The following RYR2 variants were observed in gnomAD, a reference collection of about 807,000 sequenced individuals.
The protein encoded by RYR2 is ryanodine receptor 2, also known as cardiac muscle ryanodine receptor-calcium release channel.
A neutral mutation model predicts 601.1 loss-of-function variants in RYR2; 227 were observed. That is an observed-to-expected ratio of 0.38 (90% CI 0.34 to 0.42). The LOEUF is 0.42. Among genes scored for constraint, RYR2 ranks in the 10% least tolerant of loss-of-function variants. The pLI, the probability that RYR2 is intolerant of heterozygous loss-of-function variation, is 1.00. For synonymous variants in RYR2, 2,223 were observed against 2,175.1 expected, an observed-to-expected ratio of 1.02 and a Z score of -0.61; for missense variants, 4,646 against 6,156.5, an observed-to-expected ratio of 0.75 and a Z score of 8.21.
chr1:237,435,685 T>C (rs938009744), intron 12 of RYR2, among the ~76,000 whole-genome samples: 1 of 152,214 alleles, frequency 6.6e-6, no homozygotes, highest in African/African-American at 2.4e-5. Flanking sequence ...TTTGATAGTT[T>C]AGTTTTATTT....
intron 63 of RYR2, among the ~76,000 whole-genome samples, chr1:237,698,607 G>A (rs1161371246): frequency 6.6e-6 from 1 of 152,122 alleles, no homozygotes; most frequent in African/African-American, 2.4e-5. Flanking sequence ...ATTTCATAAA[G>A]GATATGAGCT....
Position 237,674,095 on chromosome 1 carries a change from G to T in RYR2, c.8591-1G>T, listed in dbSNP as rs1685186674. Reference sequence around the variant, plus strand: ...GTGTTCTTGTCCTGACATACTCTTAGGAGGAGGAAACCATCCTCTGCTGGT... The same window carrying T: ...GTGTTCTTGTCCTGACATACTCTTATGAGGAGGAAACCATCCTCTGCTGGT... On this transcript the variant is annotated splice_acceptor_variant, in intron 58 of 104. Coordinates refer to ENST00000366574, the MANE Select transcript of RYR2 (RefSeq NM_001035.3). LOFTEE classifies it high-confidence loss of function. The T allele has an allele frequency of 1.2e-6, 2 of 1,610,140 alleles. No homozygotes were observed. The highest frequency in any genetic ancestry group is 1.3e-5 in the African/African-American group (1 of 74,744).
Position 237,407,614 on chromosome 1 carries a change from T to G in RYR2, c.774-9435T>G, listed in dbSNP as rs1254715912. Among the ~76,000 whole-genome samples, 154 of 147,484 alleles carry G rather than the reference T, an allele frequency of 1.0e-3. 1 individual carries two copies. Among genetic ancestry groups the G allele is most frequent in the African/African-American group, 3.6e-3 (144 of 40,332 alleles). On this transcript the variant is annotated intron_variant, in intron 10 of 104. Transcript: ENST00000366574. ...GTGATTTTTAAATTGTGGTTGTTTT[T>G]TTTTTTTTTTTTTTTAAATTGAGAC...
intron 1 of RYR2, among the ~76,000 whole-genome samples, chr1:237,083,877 G>T (rs1436308848): frequency 1.3e-5 from 2 of 152,128 alleles, no homozygotes; most frequent in Non-Finnish European, 2.9e-5. Flanking sequence ...GTCCACTTAG[G>T]CATGAAAATC....
chr1:237,356,899 C>A (rs144782140), intron 4 of RYR2, among the ~76,000 whole-genome samples: 2 of 152,064 alleles, frequency 1.3e-5, no homozygotes, highest in Non-Finnish European at 2.9e-5. Flanking sequence ...TATGAAGAAT[C>A]CTTTAAGATT....
At chr1:237,123,993 T>C (rs746568189) in intron 1 of RYR2, among the ~76,000 whole-genome samples, 17 of 152,380 alleles carry the variant, frequency 1.1e-4, no homozygotes, top group South Asian at 4.1e-4. Context: ...TATAGCTGTC[T>C]CTTTTCTTCC....
At chr1:237,463,151 G>T (rs1240873575) in intron 16 of RYR2, among the ~76,000 whole-genome samples, 1 of 151,788 alleles carries the variant, frequency 6.6e-6, no homozygotes, top group African/African-American at 2.4e-5. Flanking sequence ...TCAATATTTT[G>T]AAAAATGTTT....
intron 1 of RYR2, among the ~76,000 whole-genome samples, chr1:237,225,129 G>A (rs1271296370): frequency 6.6e-6 from 1 of 152,150 alleles, no homozygotes; most frequent in Non-Finnish European, 1.5e-5. Flanking sequence ...TTTGAAGTCT[G>A]AGTAGGCCAG....
chr1:237,084,084 G>T (rs1666038643), intron 1 of RYR2, among the ~76,000 whole-genome samples: 1 of 152,114 alleles, frequency 6.6e-6, no homozygotes, highest in African/African-American at 2.4e-5. Flanking sequence ...CCAGAGTTTG[G>T]TCCTCGGTCC....
intron 4 of RYR2, among the ~76,000 whole-genome samples, chr1:237,358,256 A>G (rs1699469692): frequency 6.6e-6 from 1 of 152,160 alleles, no homozygotes; most frequent in Non-Finnish European, 1.5e-5. Flanking sequence ...CCAAATCTGT[A>G]TAATAGGTGA....
intron 70 of RYR2, among the ~76,000 whole-genome samples, chr1:237,710,699 G>GTAGATAGATAGATAGA (rs56034841): frequency 0.72 from 108,350 of 150,500 alleles, 42,684 homozygotes; most frequent in South Asian, 0.89. Context: ...GATTAGGTAT[G>GTAGATAGATAGATAGA]TAGATAGATA....
chr1:237,670,053 G>A (rs1204974766), intron 58 of RYR2, among the ~76,000 whole-genome samples: 1 of 152,182 alleles, frequency 6.6e-6, no homozygotes, highest in Non-Finnish European at 1.5e-5. Context: ...TCCAGAGGCC[G>A]AGGCTGGCGG....
At chr1:237,228,563 A>G (rs1684646629) in intron 1 of RYR2, among the ~76,000 whole-genome samples, 1 of 152,196 alleles carries the variant, frequency 6.6e-6, no homozygotes, top group South Asian at 2.1e-4. Flanking sequence ...CGCAGTTTCC[A>G]AGAACCTATG....
chr1:237,259,546 A>AAAAAAAAAGAG (rs1553368865), intron 1 of RYR2, among the ~76,000 whole-genome samples: 1 of 143,832 alleles, frequency 7.0e-6, no homozygotes, highest in Non-Finnish European at 1.5e-5. Flanking sequence ...AAAAAAAAAA[A>AAAAAAAAAGAG]AGAGAGACTA....
intron 2 of RYR2, among the ~76,000 whole-genome samples, chr1:237,295,042 C>T (rs529062353): frequency 3.9e-5 from 6 of 152,106 alleles, no homozygotes; most frequent in South Asian, 4.2e-4. Context: ...GGCAAAACCC[C>T]GTCTCTCCAA....
chr1:237,704,800 A>G (rs1383632810), intron 66 of RYR2, among the ~76,000 whole-genome samples: 1 of 152,164 alleles, frequency 6.6e-6, no homozygotes, highest in African/African-American at 2.4e-5. Flanking sequence ...AAAAAGTTAC[A>G]GTGGAACTTT....
chr1:237,640,880 T>A lies in RYR2; in HGVS notation c.7116-17T>A, dbSNP rs1250802587. 1 of 1,603,382 alleles carries A rather than the reference T, an allele frequency of 6.2e-7. No homozygotes were observed. Among genetic ancestry groups the A allele is most frequent in the Non-Finnish European group, 8.5e-7 (1 of 1,172,684 alleles). On this transcript the variant is annotated splice_polypyrimidine_tract_variant and intron_variant, in intron 46 of 104. Coordinates refer to ENST00000366574, the MANE Select transcript of RYR2 (RefSeq NM_001035.3). ...TATCCCATTTGCTTTCTCTTTCTTT[T>A]GAAACATTCATGAAAGTGACACAGA...
intron 1 of RYR2, among the ~76,000 whole-genome samples, chr1:237,186,751 A>G (rs1679383309): frequency 6.6e-6 from 1 of 152,258 alleles, no homozygotes; most frequent in African/African-American, 2.4e-5. Context: ...TGTTGAAAAC[A>G]GAGAGAAAAG....
intron 2 of RYR2, among the ~76,000 whole-genome samples, chr1:237,308,435 G>A (rs534536088): frequency 3.3e-5 from 5 of 152,190 alleles, no homozygotes; most frequent in Admixed American, 2.0e-4. Context: ...CACTCACCTT[G>A]AATTATTTCT....
Sources: allele counts gnomAD v4.1 joint callset (sites outside exome capture counted in the v4.1 genomes callset), GRCh38; gene constraint gnomAD v4.1.1; transcripts MANE v1.5; gene names NCBI Gene and HGNC (gene_info 2026-07-23, HGNC 2026-07-21).